CFAP77: variants seen among roughly 807,000 people sequenced by gnomAD.
CFAP77 encodes cilia and flagella associated protein 77.
In CFAP77, 25 loss-of-function variants were observed where a neutral mutation model predicts 31.1. That is an observed-to-expected ratio of 0.80 (90% CI 0.59 to 1.12). The LOEUF (loss-of-function observed/expected upper bound fraction) is 1.12. Ranked by LOEUF, CFAP77 falls within the 50% of genes most tolerant of loss-of-function variation. The pLI is 0.00. For missense variants in CFAP77, 377 were observed against 397.3 expected (o/e 0.95, Z 0.44); for synonymous variants, 151 against 159.9 (o/e 0.94, Z 0.42).
rs936619431 is a variant in CFAP77 at position 132,547,452 on chromosome 9, ATCAT to A, written c.732+4420_732+4423del. 7.9e-5 allele frequency among the ~76,000 whole-genome samples: 12 copies of A among 152,278 alleles called. No individual in the cohort carries two copies. In the South Asian group the frequency reaches 1.2e-3, roughly 16 times the overall value. Reference sequence around the variant, plus strand: ...CAGCTCCATGAGGATGGCTGTGGAGATCATTCATTCATTCATTCCCCTGCTCATT... The same window carrying A: ...CAGCTCCATGAGGATGGCTGTGGAGATCATTCATTCATTCCCCTGCTCATT... On this transcript the variant is annotated intron_variant, in intron 5 of 5. Coordinates refer to ENST00000393216, the MANE Select transcript of CFAP77 (RefSeq NM_001282957.2).
intron 3 of CFAP77, among the ~76,000 whole-genome samples, chr9:132,533,292 C>T (rs1342034164): frequency 6.6e-6 from 1 of 152,162 alleles, no homozygotes; most frequent in Non-Finnish European, 1.5e-5. Context: ...TGGTTCCCAT[C>T]GATGTTTCCC....
intron 1 of CFAP77, among the ~76,000 whole-genome samples, chr9:132,461,697 G>C (rs940388982): frequency 1.3e-4 from 20 of 152,264 alleles, no homozygotes; most frequent in African/African-American, 4.8e-4. Context: ...TGCTCCCCTG[G>C]GCCCTTCCCA....
chr9:132,544,253 C>T (rs1222604723), intron 5 of CFAP77, among the ~76,000 whole-genome samples: 2 of 152,356 alleles, frequency 1.3e-5, no homozygotes, highest in African/African-American at 2.4e-5. Context: ...GCGCTGCCTC[C>T]GTGCACAGCA....
At chr9:132,451,313 G>C (rs979043984) in intron 1 of CFAP77, among the ~76,000 whole-genome samples, 1 of 149,344 alleles carries the variant, frequency 6.7e-6, no homozygotes, top group Non-Finnish European at 1.5e-5. Flanking sequence ...ACTCCAGCCT[G>C]GGCAACAAGA....
chr9:132,488,280 G>A (rs918103450), intron 1 of CFAP77, among the ~76,000 whole-genome samples: 10 of 152,194 alleles, frequency 6.6e-5, no homozygotes, highest in African/African-American at 2.4e-4. Flanking sequence ...CAGAAAACCT[G>A]CCACTTTGGA....
chr9:132,438,518 G>GTTATATATATATATATATATATATATTT (rs1334397510), intron 1 of CFAP77, among the ~76,000 whole-genome samples: 1 of 111,192 alleles, frequency 9.0e-6, no homozygotes, highest in African/African-American at 3.9e-5. Context: ...GAACAGATAT[G>GTTATATATATATATATATATATATATTT]GTATATATAT....
At chr9:132,459,781 CGT>C (rs1350570141) in intron 1 of CFAP77, among the ~76,000 whole-genome samples, 1 of 144,178 alleles carries the variant, frequency 6.9e-6, no homozygotes, top group South Asian at 2.2e-4. Context: ...TGTGTGAGAG[CGT>C]GTGTGTATGT....
At position 132,410,469 on chromosome 9, in the gene CFAP77, G is replaced by GA; in HGVS notation, c.195+4dup. 1.3e-6 allele frequency: 2 copies of GA among 1,574,326 alleles called. No individual in the cohort carries two copies. The highest frequency in any genetic ancestry group is 1.7e-6 in the Non-Finnish European group (2 of 1,163,948). The stretch of plus-strand genomic sequence containing the variant: ...TTCAGAACCCTCTCATCGTCAAGGT[G>GA]AGCACCCCACGCCCACCGCGCTTTC... On this transcript the variant is annotated splice_donor_region_variant and intron_variant, in intron 1 of 5. Coordinates refer to ENST00000393216, the MANE Select transcript of CFAP77 (RefSeq NM_001282957.2).
chr9:132,423,790 G>A (rs541145463), intron 1 of CFAP77, among the ~76,000 whole-genome samples: 17 of 152,344 alleles, frequency 1.1e-4, no homozygotes, highest in African/African-American at 4.1e-4. Flanking sequence ...CACATGAAGG[G>A]TAAATGGCAG....
chr9:132,535,907 T>C (rs531964052), intron 3 of CFAP77, among the ~76,000 whole-genome samples: 42 of 152,284 alleles, frequency 2.8e-4, no homozygotes, highest in African/African-American at 1.0e-3. Context: ...GTCAAAACTA[T>C]AACACAAAGT....
chr9:132,555,184 TCCTATTTGTG>T (rs897893939), intron 5 of CFAP77, among the ~76,000 whole-genome samples: 15 of 152,186 alleles, frequency 9.9e-5, no homozygotes, highest in Non-Finnish European at 1.9e-4. Context: ...GCTCTAATAG[TCCTATTTGTG>T]ACTTGTCAGG....
chr9:132,468,594 C>T (rs1564215126), intron 1 of CFAP77, among the ~76,000 whole-genome samples: 2 of 152,176 alleles, frequency 1.3e-5, no homozygotes, highest in African/African-American at 2.4e-5. Flanking sequence ...AAGAGCAGGC[C>T]ACAGCCCTTG....
At chr9:132,446,743 CAAAAAAAA>C (rs1184310514) in intron 1 of CFAP77, among the ~76,000 whole-genome samples, 4 of 66,064 alleles carry the variant, frequency 6.1e-5, no homozygotes, top group African/African-American at 2.2e-4. Context: ...TCCTCCGTCT[CAAAAAAAA>C]AAAAAAAAAA....
At chr9:132,544,434 C>A (rs1852700015) in intron 5 of CFAP77, among the ~76,000 whole-genome samples, 2 of 151,972 alleles carry the variant, frequency 1.3e-5, no homozygotes, top group Non-Finnish European at 1.5e-5. Flanking sequence ...ACTCACTCAG[C>A]AGATTCCGTC....
intron 5 of CFAP77, among the ~76,000 whole-genome samples, chr9:132,544,201 G>T (rs1036037327): frequency 6.6e-6 from 1 of 152,216 alleles, no homozygotes; most frequent in African/African-American, 2.4e-5. Flanking sequence ...AGTGGCCTCT[G>T]CCAGCATATG....
chr9:132,572,260 C>A, intron 5 of CFAP77, 128 bp from the exon 6 acceptor site: 3 of 1,126,186 alleles, frequency 2.7e-6, no homozygotes, highest in Non-Finnish European at 3.8e-6. Context: ...CTTGCTGTGA[C>A]TTCCTCCCTC....
At chr9:132,438,287 A>G (rs935171280) in intron 1 of CFAP77, among the ~76,000 whole-genome samples, 1 of 150,530 alleles carries the variant, frequency 6.6e-6, no homozygotes, top group Non-Finnish European at 1.5e-5. Flanking sequence ...TATATAACTT[A>G]AAGTTTGTAT....
At chr9:132,493,682 C>G (rs1361295005) in intron 1 of CFAP77, among the ~76,000 whole-genome samples, 2 of 152,230 alleles carry the variant, frequency 1.3e-5, no homozygotes, top group East Asian at 3.9e-4. Context: ...CTCCTGACTT[C>G]TAAACCCAGA....
intron 1 of CFAP77, among the ~76,000 whole-genome samples, chr9:132,474,217 G>A (rs1209823746): frequency 6.6e-6 from 1 of 152,200 alleles, no homozygotes; most frequent in Non-Finnish European, 1.5e-5. Flanking sequence ...GCTTTGAGTA[G>A]AGAATACATG....
Sources: allele counts gnomAD v4.1 joint callset (sites outside exome capture counted in the v4.1 genomes callset), GRCh38; gene constraint gnomAD v4.1.1; transcripts MANE v1.5; gene names NCBI Gene and HGNC (gene_info 2026-07-23, HGNC 2026-07-21).